Variants in HIVEP3 observed in about 807,000 individuals in gnomAD.
HIVEP3 encodes HIVEP zinc finger 3.
In HIVEP3, 49 loss-of-function variants were observed where a neutral mutation model predicts 152.8. The ratio of observed to expected loss-of-function variants is 0.32; its 90% CI spans 0.26 to 0.41. The LOEUF is 0.41. Among genes scored for constraint, HIVEP3 ranks in the 10% least tolerant of loss-of-function variants. HIVEP3 has a pLI of 1.00. For missense variants in HIVEP3, 2,790 were observed against 3,103.3 expected (o/e 0.90, Z 2.40); for synonymous variants, 1,269 against 1,289.0 (o/e 0.98, Z 0.33).
intron 5 of HIVEP3, 92 bp downstream of exon 5, chr1:41,575,452 T>C: frequency 7.1e-7 from 1 of 1,408,956 alleles, no homozygotes. Context: ...GGCAGAGCCC[T>C]TGCCAACTGA....
intron 5 of HIVEP3, among the ~76,000 whole-genome samples, chr1:41,532,660 T>A (rs572049356): frequency 1.3e-5 from 2 of 151,812 alleles, no homozygotes; most frequent in South Asian, 4.2e-4. Flanking sequence ...GGGGCAGGGG[T>A]CAGAACGAAG....
chr1:41,743,198 C>A (rs574556563), intron 1 of HIVEP3, among the ~76,000 whole-genome samples: 1 of 152,196 alleles, frequency 6.6e-6, no homozygotes, highest in South Asian at 2.1e-4. Flanking sequence ...TTGCAACATG[C>A]CACACAGCCT....
chr1:41,998,150 T>G (rs1645405917), intron 1 of HIVEP3, among the ~76,000 whole-genome samples: 1 of 152,050 alleles, frequency 6.6e-6, no homozygotes, highest in Non-Finnish European at 1.5e-5. Context: ...AAAAAAAGAT[T>G]AACAAGGGGA....
Position 42,000,676 on chromosome 1 carries a change from A to G in HIVEP3, n.119+35131T>C, listed in dbSNP as rs16828948. Among the ~76,000 whole-genome samples the G allele has an allele frequency of 9.1e-3, 1,383 of 152,324 alleles. 18 individuals carry two copies. The highest frequency in any genetic ancestry group is 0.032 in the African/African-American group (1,324 of 41,564). ...TGCAGATGGATGACAGTTCTCCTGC[A>G]ATATACAATGATGAGAAATATACTA... On this transcript the variant is annotated intron_variant and non_coding_transcript_variant, in intron 1 of 3. Transcript: ENST00000489103.
At chr1:41,716,618 C>T (rs1646598193) in intron 1 of HIVEP3, among the ~76,000 whole-genome samples, 1 of 152,178 alleles carries the variant, frequency 6.6e-6, no homozygotes, top group African/African-American at 2.4e-5. Context: ...AGACAGCATG[C>T]TTCAAACAAA....
intron 2 of HIVEP3, among the ~76,000 whole-genome samples, chr1:41,682,358 C>T (rs551837553): frequency 6.6e-6 from 1 of 152,298 alleles, no homozygotes; most frequent in South Asian, 2.1e-4. Flanking sequence ...GTCTCCCTAC[C>T]TAGGTCGTGA....
At chr1:41,545,279 TACC>T (rs1186281531) in intron 5 of HIVEP3, among the ~76,000 whole-genome samples, 3 of 41,326 alleles carry the variant, frequency 7.3e-5, no homozygotes, top group South Asian at 9.4e-4. Context: ...CCACCATCAC[TACC>T]ACCACCACCA....
chr1:41,864,012 C>T (rs548465807), intron 1 of HIVEP3, among the ~76,000 whole-genome samples: 16 of 152,302 alleles, frequency 1.1e-4, no homozygotes, highest in East Asian at 7.7e-4. Context: ...TGGAATCAGA[C>T]GTGGAGAGAG....
intron 2 of HIVEP3, among the ~76,000 whole-genome samples, chr1:41,638,256 GAGAA>G (rs61470609): frequency 0.014 from 1,708 of 120,932 alleles, 60 homozygotes; most frequent in South Asian, 0.031. Flanking sequence ...AAGAAAGAGA[GAGAA>G]AGAAAGAAAG....
intron 2 of HIVEP3, among the ~76,000 whole-genome samples, chr1:41,669,359 G>A (rs1645841126): frequency 1.3e-5 from 2 of 152,148 alleles, no homozygotes; most frequent in African/African-American, 4.8e-5. Flanking sequence ...CAGTCTGGGG[G>A]TGGGAGGAGG....
chr1:41,926,535 A>T (rs926056654), intron 1 of HIVEP3, among the ~76,000 whole-genome samples: 1 of 152,140 alleles, frequency 6.6e-6, no homozygotes, highest in Non-Finnish European at 1.5e-5. Flanking sequence ...GGAGGCTATG[A>T]CCTCAGTTTG....
chr1:41,983,840 C>T (rs1029070072), intron 1 of HIVEP3, among the ~76,000 whole-genome samples: 3 of 152,130 alleles, frequency 2.0e-5, no homozygotes, highest in Non-Finnish European at 4.4e-5. Flanking sequence ...TGGAAGGCTC[C>T]GTCTGCTACC....
intron 1 of HIVEP3, among the ~76,000 whole-genome samples, chr1:41,771,633 G>GA (rs1410391762): frequency 6.6e-6 from 1 of 152,102 alleles, no homozygotes; most frequent in Non-Finnish European, 1.5e-5. Context: ...TTGCTCTCAG[G>GA]AACTGACAGT....
chr1:41,553,466 G>A (rs1643918939), intron 5 of HIVEP3, among the ~76,000 whole-genome samples: 1 of 152,192 alleles, frequency 6.6e-6, no homozygotes, highest in Non-Finnish European at 1.5e-5. Context: ...TTGACAGTCT[G>A]TGTCTTTTAA....
intron 1 of HIVEP3, among the ~76,000 whole-genome samples, chr1:42,030,052 C>T (rs2124540355): frequency 6.6e-6 from 1 of 152,270 alleles, no homozygotes; most frequent in African/African-American, 2.4e-5. Flanking sequence ...TTCTCCCACC[C>T]GACCCTGCCC....
At chr1:41,613,932 G>T (rs1035207103) in intron 3 of HIVEP3, among the ~76,000 whole-genome samples, 9 of 152,178 alleles carry the variant, frequency 5.9e-5, no homozygotes, top group Non-Finnish European at 1.5e-5. Flanking sequence ...TTTGTGTCTG[G>T]CTTCTTTCAC....
intron 5 of HIVEP3, among the ~76,000 whole-genome samples, chr1:41,567,314 G>A (rs1178078960): frequency 6.6e-6 from 1 of 152,108 alleles, no homozygotes; most frequent in Admixed American, 6.5e-5. Context: ...GTCTCACCTG[G>A]GCTTTCAGGA....
At position 41,581,792 on chromosome 1, in the gene HIVEP3, A is replaced by G. The variant is rs1644414272; in HGVS notation, c.3006T>C (p.Ser1002=). 6.3e-7 allele frequency: 1 copy of G among 1,587,680 alleles called. No individual in the cohort carries two copies. Among genetic ancestry groups the G allele is most frequent in the African/African-American group, 1.3e-5 (1 of 74,098 alleles). ...TGCTGCGTGTCTCGGTCATGTGGGCAGAATGGGAAACGTTGGGGCTCTGCT... is the reference window on the plus strand; with the variant it reads ...TGCTGCGTGTCTCGGTCATGTGGGCGGAATGGGAAACGTTGGGGCTCTGCT... The part of the protein sequence containing the change: ...ASEQSPNVSH[S]AHMTETRSKS... The change falls in exon 4 of 9, where the codon TCT becomes TCC. Residue 1002 remains serine (S), a synonymous_variant. Coordinates refer to ENST00000372583, the MANE Select transcript of HIVEP3 (RefSeq NM_024503.5). The surrounding 1 kb of genome is among the most constrained non-coding windows in gnomAD (Gnocchi z 4.5).
At chr1:41,638,836 C>A (rs535848652) in intron 2 of HIVEP3, among the ~76,000 whole-genome samples, 6 of 152,344 alleles carry the variant, frequency 3.9e-5, no homozygotes, top group Admixed American at 2.6e-4. Flanking sequence ...ATCACTGCAG[C>A]TGACAAAGGG....
Sources: gnomAD v4.1 joint callset for allele counts (sites outside exome capture counted in the v4.1 genomes callset) on GRCh38, gnomAD v4.1.1 for gene constraint, Gnocchi (gnomAD v3.1) non-coding constraint, MANE v1.5 for transcripts, NCBI Gene and HGNC (gene_info 2026-07-23, HGNC 2026-07-21) for gene names.